DST: variants seen among roughly 807,000 people sequenced by gnomAD.
DST encodes the protein bullous pemphigoid antigen.
In DST, 253 loss-of-function variants were observed where a neutral mutation model predicts 875.2. That is an observed-to-expected ratio of 0.29 (90% CI 0.26 to 0.32). The LOEUF (loss-of-function observed/expected upper bound fraction) is 0.32, where lower values mean the gene tolerates loss of function less well. Ranked by LOEUF, DST falls within the 10% of genes least tolerant of loss-of-function variation. DST has a pLI of 1.00. For synonymous variants in DST, 3,124 were observed against 3,197.1 expected (o/e 0.98, Z 0.77); for missense variants, 8,287 against 9,111.6 (o/e 0.91, Z 3.68).
intron 3 of DST, among the ~76,000 whole-genome samples, chr6:56,878,930 G>A (rs1175769904): frequency 6.6e-6 from 1 of 152,240 alleles, no homozygotes. Context: ...TTTAATGCTT[G>A]ACAGTGACCC....
chr6:56,538,233 T>A (rs1295816738), intron 61 of DST, among the ~76,000 whole-genome samples: 3 of 152,136 alleles, frequency 2.0e-5, no homozygotes, highest in African/African-American at 7.2e-5. Flanking sequence ...CAAGCAACCT[T>A]CTTACCTCAG....
chr6:56,715,890 C>T (rs1015734699), intron 5 of DST, among the ~76,000 whole-genome samples: 3 of 152,184 alleles, frequency 2.0e-5, no homozygotes, highest in African/African-American at 7.2e-5. Flanking sequence ...ATTTCCTATA[C>T]GCCCCCCTTC....
At chr6:56,520,483 G>A (rs1032485387) in intron 69 of DST, among the ~76,000 whole-genome samples, 2 of 152,058 alleles carry the variant, frequency 1.3e-5, no homozygotes, top group Non-Finnish European at 2.9e-5. Flanking sequence ...TATCTTGACT[G>A]TATCAATGTC....
rs567082032 is a variant in DST, at chr6:56,655,618, T to C, written c.1215-4374A>G. On this transcript the variant is annotated intron_variant, in intron 10 of 103. Transcript: ENST00000680361. ...CTTTCCTATATTTGAGAAATTTCCC[T>C]TTCATAAGTCTTGGGGGTAAGGAGA... is the stretch of plus-strand genomic sequence containing the variant. Among the ~76,000 whole-genome samples the C allele has an allele frequency of 2.0e-5, 3 of 152,294 alleles. No homozygotes were observed. The South Asian group carries it at 6.2e-4, about 32-fold the overall frequency.
intron 63 of DST, among the ~76,000 whole-genome samples, chr6:56,532,760 A>G (rs561919864): frequency 4.6e-5 from 7 of 152,284 alleles, no homozygotes; most frequent in African/African-American, 1.7e-4. Context: ...TAAACTCATT[A>G]CTAATTTTTT....
chr6:56,711,251 G>A (rs997425598), intron 5 of DST, among the ~76,000 whole-genome samples: 6 of 152,018 alleles, frequency 3.9e-5, no homozygotes, highest in African/African-American at 1.4e-4. Context: ...TTAAGATTTG[G>A]GGTATTTTAG....
intron 4 of DST, among the ~76,000 whole-genome samples, chr6:56,830,768 C>A (rs2099786007): frequency 6.6e-6 from 1 of 152,206 alleles, no homozygotes; most frequent in African/African-American, 2.4e-5. Context: ...ATACTTCTTC[C>A]TAACTATGGA....
chr6:56,618,593 A>G (rs1281395555), intron 36 of DST: 1 of 1,614,060 alleles, frequency 6.2e-7, no homozygotes, highest in East Asian at 2.2e-5. Flanking sequence ...CCCTTGCTGC[A>G]TTTGTTCACG....
In DST at chr6:56,608,052, C is replaced by A. The variant is rs2098513644; in HGVS notation, c.6576G>T (p.Gln2192His). The A allele has an allele frequency of 1.2e-6, 2 of 1,613,326 alleles. No individual in the cohort carries two copies. The highest frequency in any genetic ancestry group is 1.7e-5 in the Admixed American group (1 of 59,952). Residue 2192 changes from glutamine to histidine, a missense_variant, in exon 40 of 104, where the codon CAG becomes CAT. Around this residue, in one of 10 missense-constraint regions of DST, gnomAD observed 3,138 missense variants for 3,116.6 expected, o/e 1.01. Coordinates refer to ENST00000680361, the MANE Select transcript of DST (RefSeq NM_001374736.1). ...VFDGEEPVTT[Q>H]TSEETKKLFL... Reference sequence around the variant, plus strand: ...ATAATTTTTTAGTTTCTTCTGAGGTCTGAGTAGTGACAGGTTCTTCTCCAT... The same window carrying A: ...ATAATTTTTTAGTTTCTTCTGAGGTATGAGTAGTGACAGGTTCTTCTCCAT...
chr6:56,820,756 T>C lies in DST; in HGVS notation c.625+30641A>G, dbSNP rs546452623. On this transcript the variant is annotated intron_variant, in intron 4 of 103. Transcript: ENST00000680361. Reference sequence around the variant, plus strand: ...CATTACTGCCTATTATTATAGTGATTATTACAAGTTATCTCTAATTTCTTT... The same window carrying C: ...CATTACTGCCTATTATTATAGTGATCATTACAAGTTATCTCTAATTTCTTT... 1.0e-3 allele frequency among the ~76,000 whole-genome samples: 158 copies of C among 152,292 alleles called. 6 individuals are homozygous for C. The South Asian group carries it at 0.032, about 31-fold the overall frequency.
chr6:56,792,672 G>T (rs1446761913), intron 4 of DST, among the ~76,000 whole-genome samples: 1 of 152,270 alleles, frequency 6.6e-6, no homozygotes, highest in Non-Finnish European at 1.5e-5. Context: ...GCAATAAGAA[G>T]TAAACACTAT....
Position 56,529,432 on chromosome 6 carries a change from A to C in DST, c.17595+16T>G. 1 of 1,441,334 alleles carries C rather than the reference A, an allele frequency of 6.9e-7. No homozygotes were observed. Among genetic ancestry groups the C allele is most frequent in the Non-Finnish European group, 9.1e-7 (1 of 1,094,816 alleles). 89.3% of individuals were successfully genotyped at this position (1,441,334 alleles called of 1,614,324 possible). ...TGAAATGAAAAAATAAGATAAAATA[A>C]AATAAATCAAAATACCCGAAGTTCA... On this transcript the variant is annotated intron_variant, in intron 66 of 103. Coordinates refer to ENST00000680361, the MANE Select transcript of DST (RefSeq NM_001374736.1).
At chr6:56,830,365 T>C (rs1249916856) in intron 4 of DST, among the ~76,000 whole-genome samples, 3 of 152,166 alleles carry the variant, frequency 2.0e-5, no homozygotes, top group Non-Finnish European at 2.9e-5. Flanking sequence ...AAAAAAGAAA[T>C]GGAAAAGGAC....
chr6:56,732,644 T>C (rs1331945794), intron 5 of DST, among the ~76,000 whole-genome samples: 4 of 152,232 alleles, frequency 2.6e-5, no homozygotes, highest in African/African-American at 9.6e-5. Context: ...GCCAGTTATA[T>C]AAACTTTTAA....
At chr6:56,681,666 G>A (rs1486901726) in intron 9 of DST, among the ~76,000 whole-genome samples, 1 of 152,228 alleles carries the variant, frequency 6.6e-6, no homozygotes, top group African/African-American at 2.4e-5. Flanking sequence ...TATCCTGAAA[G>A]ATAATGTCTT....
chr6:56,805,867 A>G (rs563563344), intron 4 of DST, among the ~76,000 whole-genome samples: 6 of 152,360 alleles, frequency 3.9e-5, no homozygotes, highest in Non-Finnish European at 8.8e-5. Context: ...AAGGAATAGA[A>G]TATTTAGTCC....
chr6:56,711,307 G>A (rs1050107541), intron 5 of DST, among the ~76,000 whole-genome samples: 4 of 151,836 alleles, frequency 2.6e-5, no homozygotes, highest in Non-Finnish European at 2.9e-5. Flanking sequence ...ATACAGTTTC[G>A]CCATGGTTGC....
chr6:56,658,456 G>A (rs1469860558), intron 10 of DST, among the ~76,000 whole-genome samples: 2 of 152,108 alleles, frequency 1.3e-5, no homozygotes, highest in Non-Finnish European at 2.9e-5. Flanking sequence ...GAGTATGGGA[G>A]GGGGGACATT....
intron 61 of DST, among the ~76,000 whole-genome samples, chr6:56,547,082 A>G (rs1405139583): frequency 6.6e-6 from 1 of 152,254 alleles, no homozygotes; most frequent in Non-Finnish European, 1.5e-5. Flanking sequence ...GGGCCGTAGC[A>G]TTAGTTAGCA....
Sources: gnomAD v4.1 joint callset for allele counts (sites outside exome capture counted in the v4.1 genomes callset) on GRCh38, gnomAD v4.1.1 for gene constraint, gnomAD v4.1.1 regional missense constraint, MANE v1.5 for transcripts, NCBI Gene and HGNC (gene_info 2026-07-23, HGNC 2026-07-21) for gene names.